The following MCPH1 variants were observed in gnomAD, a reference collection of about 807,000 sequenced individuals.
MCPH1 encodes microcephalin 1.
A neutral mutation model predicts 84.5 loss-of-function variants in MCPH1; 104 were observed. That is an observed-to-expected ratio of 1.23 (90% CI 1.05 to 1.45). The LOEUF is 1.45. MCPH1 is among the 40% of genes most tolerant of loss of function. MCPH1 has a pLI of 0.00. For synonymous variants in MCPH1, 514 were observed against 366.8 expected (o/e 1.40, Z -4.58); for missense variants, 1,498 against 1,005.7 (o/e 1.49, Z -6.62).
chr8:6,595,193 A>G (rs528091259), intron 12 of MCPH1, among the ~76,000 whole-genome samples: 1 of 152,206 alleles, frequency 6.6e-6, no homozygotes, highest in African/African-American at 2.4e-5. Context: ...CACTGCCTGC[A>G]TACTTGGGAT....
At chr8:6,621,747 C>T (rs1434258082) in intron 13 of MCPH1, 56 bp downstream of exon 13, 1 of 1,612,018 alleles carries the variant, frequency 6.2e-7, no homozygotes, top group African/African-American at 1.3e-5. Flanking sequence ...GGACAGGTTT[C>T]CAGGGAGGGC....
At position 6,411,215 on chromosome 8, in the gene MCPH1, C is replaced by G. The variant is rs75665611; in HGVS notation, c.114+1845C>G. Reference sequence around the variant, plus strand: ...AGTTGGTGGTTGCAGCCTGTTTGAACTGTACGGGTGCTGCCCCAAGTTCCT... The same window carrying G: ...AGTTGGTGGTTGCAGCCTGTTTGAAGTGTACGGGTGCTGCCCCAAGTTCCT... On this transcript the variant is annotated intron_variant, in intron 2 of 13. Coordinates refer to ENST00000344683, the MANE Select transcript of MCPH1 (RefSeq NM_024596.5). Among the ~76,000 whole-genome samples, 28 of 152,318 alleles carry G rather than the reference C, an allele frequency of 1.8e-4. 1 individual carries two copies. The East Asian group carries it at 4.2e-3, about 23-fold the overall frequency.
intron 12 of MCPH1, among the ~76,000 whole-genome samples, chr8:6,568,789 G>T (rs78728843): frequency 0.084 from 12,816 of 152,256 alleles, 685 homozygotes; most frequent in African/African-American, 0.14. Context: ...CGGCCTGCCC[G>T]GCTACAGTCT....
chr8:6,510,269 C>G (rs2129566416), intron 12 of MCPH1, among the ~76,000 whole-genome samples: 1 of 151,958 alleles, frequency 6.6e-6, no homozygotes, highest in South Asian at 2.1e-4. Context: ...ATGGGGTATG[C>G]CATGTTGGCA....
chr8:6,574,643 C>T (rs1014763328), intron 12 of MCPH1, among the ~76,000 whole-genome samples: 5 of 152,078 alleles, frequency 3.3e-5, no homozygotes, highest in South Asian at 2.1e-4. Flanking sequence ...ATGAAAAATA[C>T]GATGGTTGGA....
chr8:6,449,544 A>G (rs1804830602), intron 8 of MCPH1, among the ~76,000 whole-genome samples: 1 of 152,082 alleles, frequency 6.6e-6, no homozygotes, highest in Non-Finnish European at 1.5e-5. Flanking sequence ...GAGGCAGGAG[A>G]ATCACTTGAA....
chr8:6,627,967 C>T (rs1796870190), intron 13 of MCPH1, among the ~76,000 whole-genome samples: 1 of 151,966 alleles, frequency 6.6e-6, no homozygotes. Flanking sequence ...TAACTGCTAG[C>T]TCCTAAAACA....
chr8:6,591,882 G>A (rs1051170541), intron 12 of MCPH1, among the ~76,000 whole-genome samples: 1 of 152,148 alleles, frequency 6.6e-6, no homozygotes, highest in Non-Finnish European at 1.5e-5. Context: ...TATGTAGTAG[G>A]TATATCGTGT....
At chr8:6,543,539 C>G (rs1821989259) in intron 12 of MCPH1, among the ~76,000 whole-genome samples, 1 of 152,170 alleles carries the variant, frequency 6.6e-6, no homozygotes, top group South Asian at 2.1e-4. Context: ...TAAACCCGCC[C>G]AAACCATAGG....
chr8:6,499,536 G>A (rs1811739240), intron 11 of MCPH1: 1 of 160,484 alleles, frequency 6.2e-6, no homozygotes, highest in Non-Finnish European at 1.4e-5. Context: ...TCACAAATTA[G>A]AAACTTGGAA....
chr8:6,637,894 A>G (rs144406859), intron 13 of MCPH1, among the ~76,000 whole-genome samples: 2 of 152,296 alleles, frequency 1.3e-5, no homozygotes, highest in African/African-American at 4.8e-5. Context: ...TTAAATATAC[A>G]TTTCAGAGCC....
intron 12 of MCPH1, among the ~76,000 whole-genome samples, chr8:6,564,449 C>G (rs560417161): frequency 4.6e-5 from 7 of 152,154 alleles, no homozygotes; most frequent in Admixed American, 1.3e-4. Flanking sequence ...AGATTTTTCA[C>G]CTTCAATCCT....
intron 12 of MCPH1, among the ~76,000 whole-genome samples, chr8:6,543,892 G>C (rs1397653513): frequency 6.6e-6 from 1 of 152,168 alleles, no homozygotes; most frequent in East Asian, 1.9e-4. Context: ...AGCTGAAAGG[G>C]CGCAATCTTT....
intron 2 of MCPH1, among the ~76,000 whole-genome samples, chr8:6,414,239 C>G (rs910355145): frequency 6.6e-6 from 1 of 152,176 alleles, no homozygotes; most frequent in African/African-American, 2.4e-5. Flanking sequence ...AACTGCTGAC[C>G]TCAGGTGATC....
chr8:6,586,914 T>A (rs1484120118), intron 12 of MCPH1, among the ~76,000 whole-genome samples: 1 of 152,190 alleles, frequency 6.6e-6, no homozygotes, highest in Non-Finnish European at 1.5e-5. Context: ...CTGTGCTGCT[T>A]CCTTTCTGAT....
At chr8:6,456,233 G>A (rs970583667) in intron 9 of MCPH1, among the ~76,000 whole-genome samples, 3 of 152,152 alleles carry the variant, frequency 2.0e-5, no homozygotes, top group Admixed American at 1.3e-4. Context: ...GAGAGAGACT[G>A]TCAGGGTCCC....
intron 13 of MCPH1, chr8:6,626,772 C>T (rs1293199180): frequency 8.1e-6 from 8 of 985,072 alleles, no homozygotes; most frequent in African/African-American, 3.5e-5. Context: ...TGAGCCCTGG[C>T]GCGGTCCTCA....
chr8:6,460,301 T>G (rs1243227964), intron 9 of MCPH1, among the ~76,000 whole-genome samples: 1 of 152,174 alleles, frequency 6.6e-6, no homozygotes, highest in African/African-American at 2.4e-5. Flanking sequence ...TTGACTCTTT[T>G]TAAGTCTATT....
chr8:6,625,790 G>GA (rs931789711), intron 13 of MCPH1: 1,775 of 880,458 alleles, frequency 2.0e-3, no homozygotes, highest in South Asian at 2.5e-3. Flanking sequence ...TCTCTAAAAA[G>GA]AAAAAAAAAA....
Sources: allele counts gnomAD v4.1 joint callset (sites outside exome capture counted in the v4.1 genomes callset), GRCh38; gene constraint gnomAD v4.1.1; transcripts MANE v1.5; gene names NCBI Gene and HGNC (gene_info 2026-07-23, HGNC 2026-07-21).